NKAIN3: variants seen among roughly 807,000 people sequenced by gnomAD.
NKAIN3 encodes the protein sodium/potassium-transporting ATPase subunit beta-1-interacting protein 3.
NKAIN3 carries 25 observed loss-of-function variants against 30.2 expected under a neutral mutation model. The observed-to-expected ratio is 0.83, with a 90% CI of 0.60 to 1.16. The LOEUF (loss-of-function observed/expected upper bound fraction) is 1.16, where lower values mean the gene tolerates loss of function less well. Among genes scored for constraint, NKAIN3 ranks in the 50% most tolerant of loss-of-function variants. The pLI is 0.00. For missense variants in NKAIN3, 225 were observed against 254.1 expected, an observed-to-expected ratio of 0.89 and a Z score of 0.78; for synonymous variants, 91 against 89.6, an observed-to-expected ratio of 1.02 and a Z score of -0.09.
intron 3 of NKAIN3, among the ~76,000 whole-genome samples, chr8:62,741,563 C>T (rs796805117): frequency 3.3e-5 from 5 of 152,286 alleles, no homozygotes; most frequent in African/African-American, 1.2e-4. Context: ...GAGAAATCTC[C>T]ACCAACAACC....
intron 3 of NKAIN3, among the ~76,000 whole-genome samples, chr8:62,640,230 A>G (rs565638394): frequency 2.8e-4 from 43 of 152,186 alleles, no homozygotes; most frequent in African/African-American, 1.0e-3. Flanking sequence ...TAATCCCCAC[A>G]TGTCAAGGAA....
intron 1 of NKAIN3, among the ~76,000 whole-genome samples, chr8:62,381,597 G>T (rs1465378586): frequency 1.3e-5 from 2 of 151,994 alleles, no homozygotes; most frequent in Non-Finnish European, 2.9e-5. Context: ...CCCAAAGCCT[G>T]CCCCATAGTA....
At chr8:62,871,987 A>G (rs1432366154) in intron 4 of NKAIN3, among the ~76,000 whole-genome samples, 2 of 152,270 alleles carry the variant, frequency 1.3e-5, no homozygotes, top group African/African-American at 4.8e-5. Flanking sequence ...AACCACATAT[A>G]CAATGGTGGT....
intron 1 of NKAIN3, among the ~76,000 whole-genome samples, chr8:62,409,723 G>A (rs914651726): frequency 2.0e-5 from 3 of 151,790 alleles, no homozygotes; most frequent in Admixed American, 2.0e-4. Context: ...AGGCTAAGAA[G>A]AAAAATATCC....
chr8:62,658,400 G>T (rs991662042), intron 3 of NKAIN3, among the ~76,000 whole-genome samples: 1 of 152,152 alleles, frequency 6.6e-6, no homozygotes, highest in African/African-American at 2.4e-5. Flanking sequence ...TTACTTGTTT[G>T]CTTTATCAGG....
At chr8:62,383,534 C>G in intron 1 of NKAIN3, 1 of 455,506 alleles carries the variant, frequency 2.2e-6, no homozygotes. Context: ...CAATGATTAT[C>G]TTAATGGCAT....
At chr8:62,508,059 G>A (rs1255903292) in intron 1 of NKAIN3, among the ~76,000 whole-genome samples, 1 of 152,196 alleles carries the variant, frequency 6.6e-6, no homozygotes, top group African/African-American at 2.4e-5. Context: ...AAGGTGATAT[G>A]TTATTCCTTG....
chr8:62,988,632 G>T (rs1824254047), downstream of NKAIN3, among the ~76,000 whole-genome samples: 1 of 152,260 alleles, frequency 6.6e-6, no homozygotes, highest in African/African-American at 2.4e-5. Flanking sequence ...TCCCTTGGAT[G>T]TACACAGCAG....
At chr8:62,872,120 G>A (rs1349507282) in intron 4 of NKAIN3, among the ~76,000 whole-genome samples, 1 of 152,172 alleles carries the variant, frequency 6.6e-6, no homozygotes, top group Non-Finnish European at 1.5e-5. Flanking sequence ...GCACATGCTT[G>A]TAGCCTAGAA....
intron 4 of NKAIN3, among the ~76,000 whole-genome samples, chr8:62,860,229 T>A (rs2130786743): frequency 6.6e-6 from 1 of 152,264 alleles, no homozygotes; most frequent in East Asian, 1.9e-4. Context: ...ACAGGCCACA[T>A]GGTATGGTAG....
At chr8:62,365,225 G>C (rs1299698883) in intron 1 of NKAIN3, among the ~76,000 whole-genome samples, 1 of 152,098 alleles carries the variant, frequency 6.6e-6, no homozygotes, top group African/African-American at 2.4e-5. Flanking sequence ...GAAAAGTATA[G>C]AGCAAATATC....
chr8:62,704,577 A>G (rs1055700331), intron 3 of NKAIN3, among the ~76,000 whole-genome samples: 16 of 152,180 alleles, frequency 1.1e-4, no homozygotes, highest in Non-Finnish European at 1.6e-4. Flanking sequence ...AGCTCTTAAT[A>G]CGTGCTGTGA....
intron 4 of NKAIN3, among the ~76,000 whole-genome samples, chr8:62,788,346 G>A (rs959528674): frequency 2.0e-5 from 3 of 152,184 alleles, no homozygotes; most frequent in African/African-American, 7.2e-5. Context: ...CTTTTGAGAA[G>A]TGTCTGTTCA....
chr8:62,998,254 T>TTC (rs749712108), intron 5 of NKAIN3, among the ~76,000 whole-genome samples: 17 of 151,354 alleles, frequency 1.1e-4, no homozygotes, highest in Admixed American at 4.0e-4. Context: ...TCATTTTTCT[T>TTC]TCTCTCTCTC....
chr8:62,575,867 A>C (rs1450160965), intron 1 of NKAIN3, among the ~76,000 whole-genome samples: 1 of 152,146 alleles, frequency 6.6e-6, no homozygotes, highest in African/African-American at 2.4e-5. Flanking sequence ...AATTGGGGAA[A>C]GGACAATCTT....
chr8:62,299,676 C>T (rs761330482), intron 1 of NKAIN3, among the ~76,000 whole-genome samples: 7 of 151,906 alleles, frequency 4.6e-5, no homozygotes, highest in Non-Finnish European at 8.8e-5. Flanking sequence ...AAAGGAACAC[C>T]TCTCTGTGTA....
At chr8:62,415,393 CTAAA>C (rs1482462509) in intron 1 of NKAIN3, among the ~76,000 whole-genome samples, 1 of 148,840 alleles carries the variant, frequency 6.7e-6, no homozygotes, top group African/African-American at 2.5e-5. Flanking sequence ...ATAATAATTG[CTAAA>C]TAAATAGTAA....
intron 3 of NKAIN3, among the ~76,000 whole-genome samples, chr8:62,743,207 C>A (rs759956415): frequency 6.6e-6 from 1 of 152,100 alleles, no homozygotes; most frequent in Admixed American, 6.5e-5. Context: ...ATTTGTGTTT[C>A]TTTTTCTGTA....
intron 4 of NKAIN3, among the ~76,000 whole-genome samples, chr8:62,821,409 T>C (rs1480296854): frequency 6.6e-6 from 1 of 152,172 alleles, no homozygotes; most frequent in East Asian, 1.9e-4. Context: ...CAAAAGTTTC[T>C]GGGAAATTTT....
Sources: allele counts gnomAD v4.1 joint callset (sites outside exome capture counted in the v4.1 genomes callset), GRCh38; gene constraint gnomAD v4.1.1; transcripts MANE v1.5; gene names NCBI Gene and HGNC (gene_info 2026-07-23, HGNC 2026-07-21).